Variants in CADM2 observed in about 807,000 individuals in gnomAD.
CADM2 encodes the protein immunoglobulin superfamily member 4D.
CADM2 carries 12 observed loss-of-function variants against 49.8 expected under a neutral mutation model. The ratio of observed to expected loss-of-function variants is 0.24; its 90% CI spans 0.15 to 0.39. The LOEUF (loss-of-function observed/expected upper bound fraction) is 0.39. CADM2 is among the 10% of genes least tolerant of loss of function. The pLI is 1.00. For synonymous variants in CADM2, 214 were observed against 175.4 expected, an observed-to-expected ratio of 1.22 and a Z score of -1.74; for missense variants, 378 against 492.3, an observed-to-expected ratio of 0.77 and a Z score of 2.20.
At chr3:85,268,496 G>C (rs1246204847) in intron 1 of CADM2, among the ~76,000 whole-genome samples, 1 of 151,240 alleles carries the variant, frequency 6.6e-6, no homozygotes, top group African/African-American at 2.4e-5. Flanking sequence ...CCACAAATTA[G>C]TATTTGACAG....
chr3:85,356,625 A>G (rs1186417364), intron 1 of CADM2, among the ~76,000 whole-genome samples: 1 of 152,140 alleles, frequency 6.6e-6, no homozygotes, highest in Non-Finnish European at 1.5e-5. Flanking sequence ...ACACGTACAT[A>G]ATATTCTTTC....
intron 1 of CADM2, among the ~76,000 whole-genome samples, chr3:85,614,317 A>C (rs1032599893): frequency 6.6e-6 from 1 of 151,668 alleles, no homozygotes; most frequent in African/African-American, 2.4e-5. Context: ...ATTTTACTTT[A>C]TATATCTCCT....
At chr3:85,728,939 T>A (rs1181923337) in intron 2 of CADM2, among the ~76,000 whole-genome samples, 1 of 152,166 alleles carries the variant, frequency 6.6e-6, no homozygotes, top group Non-Finnish European at 1.5e-5. Flanking sequence ...CTTCTTTTTT[T>A]AAATGTGAGT....
chr3:85,991,438 T>A (rs1728758828), intron 8 of CADM2, among the ~76,000 whole-genome samples: 2 of 152,188 alleles, frequency 1.3e-5, no homozygotes, highest in Admixed American at 1.3e-4. Flanking sequence ...TCTTAATTAT[T>A]CAATTTAATG....
intron 1 of CADM2, among the ~76,000 whole-genome samples, chr3:85,366,318 C>A (rs1034855647): frequency 6.6e-6 from 1 of 152,148 alleles, no homozygotes; most frequent in Non-Finnish European, 1.5e-5. Flanking sequence ...GATTGTAAAT[C>A]TCTGGCCCAT....
intron 1 of CADM2, among the ~76,000 whole-genome samples, chr3:85,459,641 T>C (rs1234369550): frequency 6.6e-6 from 1 of 152,258 alleles, no homozygotes; most frequent in Non-Finnish European, 1.5e-5. Flanking sequence ...CTACTTTTGA[T>C]TTATGATTTT....
At chr3:85,582,308 TAAC>T (rs2062822384) in intron 1 of CADM2, among the ~76,000 whole-genome samples, 1 of 152,132 alleles carries the variant, frequency 6.6e-6, no homozygotes, top group Non-Finnish European at 1.5e-5. Flanking sequence ...GCATGAAAAG[TAAC>T]AATAAGCCAG....
chr3:85,318,544 T>A (rs2044524422), intron 1 of CADM2, among the ~76,000 whole-genome samples: 2 of 152,144 alleles, frequency 1.3e-5, no homozygotes, highest in Non-Finnish European at 2.9e-5. Flanking sequence ...AAAGATAGAT[T>A]ACCTACAAAG....
At chr3:85,162,377 A>C (rs538860420) in intron 1 of CADM2, among the ~76,000 whole-genome samples, 2 of 152,298 alleles carry the variant, frequency 1.3e-5, no homozygotes, top group South Asian at 4.1e-4. Flanking sequence ...TTATGCAATA[A>C]ATAATGGCTT....
At chr3:85,363,161 G>A (rs1323029205) in intron 1 of CADM2, among the ~76,000 whole-genome samples, 2 of 152,058 alleles carry the variant, frequency 1.3e-5, no homozygotes, top group Admixed American at 6.6e-5. Context: ...AAAATAATGG[G>A]TTTCTGTGAT....
At chr3:85,064,186 A>C (rs1234228998) in intron 1 of CADM2, among the ~76,000 whole-genome samples, 2 of 152,080 alleles carry the variant, frequency 1.3e-5, no homozygotes, top group Non-Finnish European at 2.9e-5. Context: ...CATTGTTTCC[A>C]GTGTGAGATG....
At chr3:85,704,489 A>G (rs2066875878) in intron 1 of CADM2, among the ~76,000 whole-genome samples, 1 of 152,088 alleles carries the variant, frequency 6.6e-6, no homozygotes, top group African/African-American at 2.4e-5. Context: ...CTGGTTATGG[A>G]TGACCACTTT....
intron 1 of CADM2, among the ~76,000 whole-genome samples, chr3:84,959,926 C>G (rs2030296446): frequency 6.6e-6 from 1 of 152,060 alleles, no homozygotes; most frequent in African/African-American, 2.4e-5. Context: ...CCTGAGCTTC[C>G]TTCATCTCAC....
At chr3:85,538,360 C>A (rs1246056727) in intron 1 of CADM2, among the ~76,000 whole-genome samples, 2 of 152,048 alleles carry the variant, frequency 1.3e-5, no homozygotes, top group African/African-American at 4.8e-5. Context: ...TCATTAGATC[C>A]ATGACACAGG....
intron 1 of CADM2, among the ~76,000 whole-genome samples, chr3:85,192,860 T>A (rs2041241771): frequency 6.6e-6 from 1 of 152,086 alleles, no homozygotes; most frequent in East Asian, 1.9e-4. Context: ...AAGTCCAAAT[T>A]TGACCAAGGT....
intron 1 of CADM2, among the ~76,000 whole-genome samples, chr3:85,500,435 C>CATAAAATAATGTATAATAA: frequency 6.6e-6 from 1 of 151,930 alleles, no homozygotes; most frequent in East Asian, 1.9e-4. Context: ...CTTAGTAATA[C>CATAAAATAATGTATAATAA]ATAAAATAAT....
At chr3:85,791,849 G>A (rs113603024) in intron 2 of CADM2, among the ~76,000 whole-genome samples, 6,103 of 151,918 alleles carry the variant, frequency 0.04, 392 homozygotes, top group African/African-American at 0.14. Flanking sequence ...TCAGCCTCCC[G>A]AGTAGCTGGG....
At chr3:85,685,416 G>T (rs901743431) in intron 1 of CADM2, among the ~76,000 whole-genome samples, 19 of 152,094 alleles carry the variant, frequency 1.2e-4, no homozygotes, top group African/African-American at 4.6e-4. Context: ...AACTAAAGAT[G>T]TATTTTAATG....
At chr3:85,863,771 A>G (rs2075624145) in intron 3 of CADM2, among the ~76,000 whole-genome samples, 1 of 152,246 alleles carries the variant, frequency 6.6e-6, no homozygotes, top group African/African-American at 2.4e-5. Flanking sequence ...ACCCCTAAAC[A>G]GCACTTGATA....
Sources: allele counts gnomAD v4.1 joint callset (sites outside exome capture counted in the v4.1 genomes callset), GRCh38; gene constraint gnomAD v4.1.1; transcripts MANE v1.5; gene names NCBI Gene and HGNC (gene_info 2026-07-23, HGNC 2026-07-21).